Variants in CEP112 observed in about 807,000 individuals in gnomAD.
CEP112 encodes the protein centrosomal protein of 112 kDa.
A neutral mutation model predicts 153.0 loss-of-function variants in CEP112; 127 were observed. The ratio of observed to expected loss-of-function variants is 0.83; its 90% confidence interval spans 0.72 to 0.96. The LOEUF is 0.96. CEP112 is among the 40% of genes least tolerant of loss of function. CEP112 has a pLI of 0.00. For synonymous variants in CEP112, 358 were observed against 374.4 expected (o/e 0.96, Z 0.51); for missense variants, 1,089 against 1,101.2 (o/e 0.99, Z 0.16).
intron 17 of CEP112, among the ~76,000 whole-genome samples, chr17:65,994,441 C>T (rs759444964): frequency 5.3e-5 from 8 of 152,202 alleles, no homozygotes; most frequent in Admixed American, 1.3e-4. Flanking sequence ...AATTCTCCTG[C>T]CTCAGCCTCC....
chr17:65,659,002 C>T (rs979860860), intron 24 of CEP112, among the ~76,000 whole-genome samples: 8 of 113,874 alleles, frequency 7.0e-5, no homozygotes, highest in Admixed American at 3.8e-4. Flanking sequence ...GGTGACAGAG[C>T]GAGACTCTGT....
chr17:65,844,896 C>T (rs1568105487), intron 21 of CEP112, among the ~76,000 whole-genome samples: 1 of 151,640 alleles, frequency 6.6e-6, no homozygotes, highest in Non-Finnish European at 1.5e-5. Flanking sequence ...CATCTCTAGT[C>T]CCAGCTACTA....
intron 21 of CEP112, among the ~76,000 whole-genome samples, chr17:65,787,126 T>C (rs2054321982): frequency 6.6e-6 from 1 of 152,234 alleles, no homozygotes; most frequent in South Asian, 2.1e-4. Flanking sequence ...AATTTTGATT[T>C]TGTATGTGGT....
At chr17:66,110,516 T>C (rs1211266673) in intron 6 of CEP112, among the ~76,000 whole-genome samples, 2 of 151,886 alleles carry the variant, frequency 1.3e-5, no homozygotes, top group Non-Finnish European at 2.9e-5. Flanking sequence ...GTTCAATAAA[T>C]AGAAGAATAT....
chr17:65,650,613 T>G (rs527406149), intron 24 of CEP112, among the ~76,000 whole-genome samples: 6 of 151,260 alleles, frequency 4.0e-5, no homozygotes, highest in African/African-American at 1.5e-4. Flanking sequence ...TACCAAATAC[T>G]GGCCAGGAGC....
intron 18 of CEP112, among the ~76,000 whole-genome samples, chr17:65,942,099 C>G (rs1338123517): frequency 6.6e-6 from 1 of 152,168 alleles, no homozygotes; most frequent in Non-Finnish European, 1.5e-5. Flanking sequence ...TGTTAGGAAC[C>G]CTGCATCCAG....
intron 6 of CEP112, among the ~76,000 whole-genome samples, chr17:66,120,800 T>C (rs1226510958): frequency 6.6e-6 from 1 of 152,226 alleles, no homozygotes; most frequent in African/African-American, 2.4e-5. Flanking sequence ...CACTTAAAAA[T>C]CCAGCTTTTG....
chr17:66,183,115 T>C, intron 2 of CEP112, 79 bp downstream of exon 2: 2 of 981,208 alleles, frequency 2.0e-6, no homozygotes, highest in Admixed American at 5.3e-5. Flanking sequence ...TTCTTCCATG[T>C]TGATAGTTCA....
At chr17:65,898,715 G>T (rs1444421071) in intron 20 of CEP112, among the ~76,000 whole-genome samples, 3 of 152,096 alleles carry the variant, frequency 2.0e-5, no homozygotes, top group Non-Finnish European at 2.9e-5. Flanking sequence ...CTGCAAGGTT[G>T]CTGCATTTAA....
At chr17:65,873,941 A>T (rs1335279461) in intron 20 of CEP112, among the ~76,000 whole-genome samples, 1 of 152,186 alleles carries the variant, frequency 6.6e-6, no homozygotes, top group Non-Finnish European at 1.5e-5. Context: ...ATTACAATTG[A>T]GTGTATATAA....
intron 16 of CEP112, among the ~76,000 whole-genome samples, chr17:66,019,723 C>T (rs955606478): frequency 4.6e-5 from 7 of 152,048 alleles, no homozygotes; most frequent in African/African-American, 1.2e-4. Context: ...CAATTGATAC[C>T]GCATGGAAAG....
chr17:66,054,826 G>A (rs1598246543), intron 11 of CEP112, among the ~76,000 whole-genome samples: 1 of 152,086 alleles, frequency 6.6e-6, no homozygotes. Flanking sequence ...GTGCAATCTC[G>A]GCTCAGTGCA....
At chr17:65,823,031 T>TAA (rs899772781) in intron 21 of CEP112, among the ~76,000 whole-genome samples, 3 of 152,092 alleles carry the variant, frequency 2.0e-5, no homozygotes, top group African/African-American at 7.2e-5. Flanking sequence ...CTGAAAACTA[T>TAA]AAATGCTGAT....
chr17:66,162,310 A>T (rs930095500), intron 4 of CEP112, among the ~76,000 whole-genome samples: 2 of 152,206 alleles, frequency 1.3e-5, no homozygotes, highest in Non-Finnish European at 2.9e-5. Flanking sequence ...TAAAATTATT[A>T]AAAACTTACA....
intron 6 of CEP112, among the ~76,000 whole-genome samples, chr17:66,129,182 A>G (rs1447274611): frequency 1.3e-5 from 2 of 152,204 alleles, no homozygotes; most frequent in Non-Finnish European, 2.9e-5. Context: ...ACGCAGCCTG[A>G]CACAGTGCCC....
chr17:66,087,712 TA>T (rs2067992015), intron 8 of CEP112, among the ~76,000 whole-genome samples: 2 of 152,026 alleles, frequency 1.3e-5, no homozygotes, highest in African/African-American at 2.4e-5. Context: ...GGAAAAGACA[TA>T]ACGCAGAATG....
intron 4 of CEP112, among the ~76,000 whole-genome samples, chr17:66,153,468 C>CAAAAAAAAAAAAAAAAAAAAAAAAAAAAA (rs11303537): frequency 8.1e-6 from 1 of 123,688 alleles, no homozygotes; most frequent in Non-Finnish European, 1.7e-5. Context: ...TAGAAAAGGC[C>CAAAAAAAAAAAAAAAAAAAAAAAAAAAAA]AAAAAAAAAA....
At chr17:65,997,798 CCCA>C (rs1179380385) in intron 17 of CEP112, among the ~76,000 whole-genome samples, 4 of 149,326 alleles carry the variant, frequency 2.7e-5, no homozygotes, top group Non-Finnish European at 5.9e-5. Flanking sequence ...CATCCCCCCC[CCCA>C]CACACACACA....
chr17:65,676,231 G>A (rs942823351), intron 24 of CEP112, among the ~76,000 whole-genome samples: 1 of 151,920 alleles, frequency 6.6e-6, no homozygotes, highest in Non-Finnish European at 1.5e-5. Flanking sequence ...GGGAGGCTGA[G>A]GCAGGGGAAT....
Sources: allele counts gnomAD v4.1 joint callset (sites outside exome capture counted in the v4.1 genomes callset), GRCh38; gene constraint gnomAD v4.1.1; transcripts MANE v1.5; gene names NCBI Gene and HGNC (gene_info 2026-07-23, HGNC 2026-07-21).